The following LGALS4 variants were observed in gnomAD, a reference collection of about 807,000 sequenced individuals.
The protein encoded by LGALS4 is galectin-4.
LGALS4 carries 37 observed loss-of-function variants against 39.6 expected under a neutral mutation model. The ratio of observed to expected loss-of-function variants is 0.93; its 90% CI spans 0.72 to 1.23. The LOEUF (loss-of-function observed/expected upper bound fraction) is 1.23. Among genes scored for constraint, LGALS4 ranks in the 50% most tolerant of loss-of-function variants. The pLI, the probability that LGALS4 is intolerant of heterozygous loss-of-function variation, is 0.00. For synonymous variants in LGALS4, 160 were observed against 165.5 expected, an observed-to-expected ratio of 0.97 and a Z score of 0.25; for missense variants, 397 against 433.2, an observed-to-expected ratio of 0.92 and a Z score of 0.74.
In LGALS4 at chr19:38,811,410, A is replaced by G. The variant is rs1034022433; in HGVS notation, c.134+1021T>C. On this transcript the variant is annotated intron_variant, in intron 2 of 9. Coordinates refer to ENST00000307751, the MANE Select transcript of LGALS4 (RefSeq NM_006149.4). The stretch of plus-strand genomic sequence containing the variant: ...CACTTTAGGAGGCCGAGGCTAGAGG[A>G]TCGCTTGAGCACAGGAGTTCAAGAC... 2.0e-5 allele frequency among the ~76,000 whole-genome samples: 3 copies of G among 152,078 alleles called. No individual in the cohort carries two copies. In the East Asian group the frequency reaches 5.8e-4, roughly 29 times the overall value.
intron 3 of LGALS4, among the ~76,000 whole-genome samples, chr19:38,807,991 C>A (rs1440528651): frequency 6.6e-6 from 1 of 152,140 alleles, no homozygotes; most frequent in African/African-American, 2.4e-5. Flanking sequence ...TGGAAGGCCG[C>A]AGGGCCCTCT....
At chr19:38,808,596 C>A in intron 3 of LGALS4, 148 bp downstream of exon 3, 1 of 658,892 alleles carries the variant, frequency 1.5e-6, no homozygotes, top group South Asian at 2.0e-5. Context: ...TGCACTCCAG[C>A]CTGGGCAACA....
chr19:38,808,284 G>T (rs1971447198), intron 3 of LGALS4, among the ~76,000 whole-genome samples: 1 of 151,834 alleles, frequency 6.6e-6, no homozygotes, highest in African/African-American at 2.4e-5. Flanking sequence ...AAGGAAGGAG[G>T]GGAGGAAAGA....
intron 2 of LGALS4, among the ~76,000 whole-genome samples, chr19:38,809,680 G>A (rs1435357761): frequency 7.2e-6 from 1 of 138,828 alleles, no homozygotes. Flanking sequence ...TGTAGAGATG[G>A]GGTCTCACTA....
At position 38,802,115 on chromosome 19, in the gene LGALS4, A is replaced by G. The variant is rs148066593; in HGVS notation, c.702T>C (p.Ala234=). 101 of 1,614,122 alleles carry G rather than the reference A, an allele frequency of 6.3e-5. 1 individual carries two copies. The African/African-American group carries it at 1.3e-3, about 20-fold the overall frequency. The change falls in exon 9 of 10, where the codon GCT becomes GCC. Residue 234 remains alanine, a synonymous_variant. Coordinates refer to ENST00000307751, the MANE Select transcript of LGALS4 (RefSeq NM_006149.4). ...TGCCCATGCGGGGATTAATGTGCAG[A>G]GCTATGTCCCCTGAGGAGCCCACCT... ...NFKVGSSGDI[A]LHINPRMGNG...
rs1175633431 is a variant in LGALS4 at position 38,808,948 on chromosome 19, C to A, written c.135G>T (p.Arg45=). 8 of 1,602,714 alleles carry A rather than the reference C, an allele frequency of 5.0e-6. No individual in the cohort carries two copies. In the Admixed American group the frequency reaches 5.2e-5, roughly 10 times the overall value. The part of the protein sequence containing the change: ...IQGVASEHMK[R]FFVNFVVGQD... ...GCCCAACCACAAAGTTCACGAAGAACCTGGCGGGACACAAAGGGCTCATTC... is the reference window on the plus strand; with the variant it reads ...GCCCAACCACAAAGTTCACGAAGAAACTGGCGGGACACAAAGGGCTCATTC... Residue 45 remains arginine, a splice_region_variant and synonymous_variant, in exon 3 of 10, where the codon CGG becomes CGT. Transcript: ENST00000307751.
rs1029978688 is a variant in LGALS4, at chr19:38,809,479, A to AT, written c.135-532dup. Among the ~76,000 whole-genome samples, 7 of 145,558 alleles carry AT rather than the reference A, an allele frequency of 4.8e-5. No homozygotes were observed. The South Asian group carries it at 1.1e-3, about 23-fold the overall frequency. On this transcript the variant is annotated intron_variant, in intron 2 of 9. Coordinates refer to ENST00000307751, the MANE Select transcript of LGALS4 (RefSeq NM_006149.4). ...ACAGGTGTGAGACACCGTGCCTGACATTTTTTTTCTTGAGACAGGGTCTTG... is the reference window on the plus strand; with the variant it reads ...ACAGGTGTGAGACACCGTGCCTGACATTTTTTTTTCTTGAGACAGGGTCTTG...
At chr19:38,809,308 T>C (rs1971464818) in intron 2 of LGALS4, among the ~76,000 whole-genome samples, 1 of 151,136 alleles carries the variant, frequency 6.6e-6, no homozygotes, top group South Asian at 2.1e-4. Context: ...GCCTCCCAAG[T>C]AGCTGGGATT....
In LGALS4 at chr19:38,809,042, G is replaced by C. The variant is rs117300870; in HGVS notation, c.135-94C>G. ...CCCTCTCCCTGCCGCCCTGTCCTCGGCCTCCCTGGCCCGGACCTCAGCACC... is the reference window on the plus strand; with the variant it reads ...CCCTCTCCCTGCCGCCCTGTCCTCGCCCTCCCTGGCCCGGACCTCAGCACC... On this transcript the variant is annotated intron_variant, in intron 2 of 9. Coordinates refer to ENST00000307751, the MANE Select transcript of LGALS4 (RefSeq NM_006149.4). The C allele has an allele frequency of 3.0e-3, 3,145 of 1,036,916 alleles. 165 individuals carry two copies. In the East Asian group the frequency reaches 0.073, roughly 24 times the overall value. 64.2% of individuals were successfully genotyped at this position (1,036,916 alleles called of 1,614,324 possible). A position where few individuals can be genotyped will look rare whatever the true frequency, so the allele number is the denominator to read the frequency against.
At chr19:38,810,899 CTTTTTTTT>C (rs59517682) in intron 2 of LGALS4, among the ~76,000 whole-genome samples, 1 of 125,036 alleles carries the variant, frequency 8.0e-6, no homozygotes, top group Non-Finnish European at 1.7e-5. Flanking sequence ...ACATATTTGA[CTTTTTTTT>C]TTTTTTTTTT....
intron 4 of LGALS4, among the ~76,000 whole-genome samples, chr19:38,804,878 G>A (rs1392266730): frequency 2.0e-5 from 3 of 151,862 alleles, no homozygotes; most frequent in South Asian, 2.1e-4. Flanking sequence ...TTTATAAGCC[G>A]GGGGCTGTGG....
chr19:38,812,028 A>C lies in LGALS4; in HGVS notation c.134+403T>G, dbSNP rs575158741. On this transcript the variant is annotated intron_variant, in intron 2 of 9. Transcript: ENST00000307751. Reference sequence around the variant, plus strand: ...AACTCCATCTCAAAACAAAAAAAAAAACAAAAAAAACAAAAACAGAAAAGA... The same window carrying C: ...AACTCCATCTCAAAACAAAAAAAAACACAAAAAAAACAAAAACAGAAAAGA... Among the ~76,000 whole-genome samples, 347 of 151,312 alleles carry C rather than the reference A, an allele frequency of 2.3e-3. 1 individual carries two copies. Among genetic ancestry groups the C allele is most frequent in the African/African-American group, 7.8e-3 (319 of 40,896 alleles).
At chr19:38,811,593 G>A (rs976447237) in intron 2 of LGALS4, among the ~76,000 whole-genome samples, 14 of 152,064 alleles carry the variant, frequency 9.2e-5, no homozygotes, top group African/African-American at 3.4e-4. Context: ...AGGAGTTGGA[G>A]GCCGAAGTGA....
chr19:38,809,173 C>CTTTTTTTTTTT (rs34677297), intron 2 of LGALS4, among the ~76,000 whole-genome samples: 1 of 104,896 alleles, frequency 9.5e-6, no homozygotes, highest in East Asian at 3.2e-4. Flanking sequence ...GCCTTTCCTT[C>CTTTTTTTTTTT]TTTTTTTTTT....
At chr19:38,802,522 T>C (rs1971369587) in intron 7 of LGALS4, 118 bp from the exon 8 acceptor site, 1 of 722,382 alleles carries the variant, frequency 1.4e-6, no homozygotes, top group East Asian at 2.7e-5. Flanking sequence ...AGAGATGGGG[T>C]CTTACTCTGT....
intron 2 of LGALS4, among the ~76,000 whole-genome samples, chr19:38,810,714 TG>T (rs1971483423): frequency 6.6e-6 from 1 of 151,732 alleles, no homozygotes; most frequent in African/African-American, 2.4e-5. Flanking sequence ...TGACCTCAGG[TG>T]ATCTGCCTGG....
rs757256507 is a variant in LGALS4, at chr19:38,808,861, C to T, written c.222G>A (p.Val74=). 1.2e-6 allele frequency: 2 copies of T among 1,614,162 alleles called. No homozygotes were observed. The highest frequency in any genetic ancestry group is 1.7e-6 in the Non-Finnish European group (2 of 1,180,014). The change falls in exon 3 of 10, where the codon GTG becomes GTA. Residue 74 remains valine (V), a synonymous_variant. Coordinates refer to ENST00000307751, the MANE Select transcript of LGALS4 (RefSeq NM_006149.4). The part of the protein sequence containing the change: ...FNPRFDGWDK[V]VFNTLQGGKW... Reference sequence around the variant, plus strand: ...TCCCGCCCTGCAACGTGTTGAAGACCACCTTGTCCCAGCCGTCAAACCGCG... The same window carrying T: ...TCCCGCCCTGCAACGTGTTGAAGACTACCTTGTCCCAGCCGTCAAACCGCG...
rs748499184 is a variant in LGALS4, at chr19:38,812,444, C to G, written c.121G>C (p.Glu41Gln). 52 of 1,613,896 alleles carry G rather than the reference C, an allele frequency of 3.2e-5. No homozygotes were observed. Among genetic ancestry groups the G allele is most frequent in the Non-Finnish European group, 4.1e-5 (48 of 1,179,954 alleles). The change falls in exon 2 of 10, where the codon GAG (glutamate) becomes CAG (glutamine). Residue 41 changes from glutamate (E) to glutamine (Q), a missense_variant. Coordinates refer to ENST00000307751, the MANE Select transcript of LGALS4 (RefSeq NM_006149.4). ...MSVYIQGVASEHMKRFFVNFV... is the reference protein window; with the variant it reads ...MSVYIQGVASQHMKRFFVNFV... ...GGAGGGTCTTACCGCTTCATGTGCT[C>G]GCTGGCCACTCCTTGGATGTAAACA...
Position 38,802,358 on chromosome 19 carries a change from C to G in LGALS4, c.617G>C (p.Arg206Thr), listed in dbSNP as rs1458256235. 8 of 1,614,116 alleles carry G rather than the reference C, an allele frequency of 5.0e-6. No individual in the cohort carries two copies. Among genetic ancestry groups the G allele is most frequent in the Non-Finnish European group, 6.8e-6 (8 of 1,180,050 alleles). ...GRLQGGLTAR[R>T]TIIIKGYVPP... ...CACATAGCCCTTGATGATGATGGTT[C>G]TTCGAGCTGTGAGCCCTCCTTGCAG... Residue 206 changes from arginine to threonine, a missense_variant, in exon 8 of 10, where the codon AGA becomes ACA. Coordinates refer to ENST00000307751, the MANE Select transcript of LGALS4 (RefSeq NM_006149.4).
Sources: gnomAD v4.1 joint callset for allele counts (sites outside exome capture counted in the v4.1 genomes callset) on GRCh38, gnomAD v4.1.1 for gene constraint, MANE v1.5 for transcripts, NCBI Gene and HGNC (gene_info 2026-07-23, HGNC 2026-07-21) for gene names.